The following FBXL7 variants were observed in gnomAD, a reference collection of about 807,000 sequenced individuals.
FBXL7 encodes F-box/LRR-repeat protein 7.
A neutral mutation model predicts 38.3 loss-of-function variants in FBXL7; 12 were observed. The ratio of observed to expected loss-of-function variants is 0.31; its 90% CI spans 0.20 to 0.51. The LOEUF (loss-of-function observed/expected upper bound fraction) is 0.51, where lower values mean the gene tolerates loss of function less well. Among genes scored for constraint, FBXL7 ranks in the 20% least tolerant of loss-of-function variants. FBXL7 has a pLI of 0.98. For missense variants in FBXL7, 567 were observed against 676.4 expected (o/e 0.84, Z 1.79); for synonymous variants, 297 against 300.9 (o/e 0.99, Z 0.13).
intron 2 of FBXL7, among the ~76,000 whole-genome samples, chr5:15,694,803 T>C (rs1454172471): frequency 6.6e-6 from 1 of 151,914 alleles, no homozygotes; most frequent in Non-Finnish European, 1.5e-5. Flanking sequence ...AACAAAAAGC[T>C]AAAGGGAACA....
intron 1 of FBXL7, among the ~76,000 whole-genome samples, chr5:15,565,919 C>T (rs1738559508): frequency 6.6e-6 from 1 of 152,132 alleles, no homozygotes; most frequent in Non-Finnish European, 1.5e-5. Context: ...AAATGTGAAT[C>T]TTATCCAAAA....
At chr5:15,693,100 G>C (rs1057398981) in intron 2 of FBXL7, among the ~76,000 whole-genome samples, 1 of 152,128 alleles carries the variant, frequency 6.6e-6, no homozygotes, top group Non-Finnish European at 1.5e-5. Context: ...TCAGAGGAAC[G>C]ATGTGGTCTA....
chr5:15,934,371 G>A (rs1337125602), intron 3 of FBXL7, among the ~76,000 whole-genome samples: 1 of 151,904 alleles, frequency 6.6e-6, no homozygotes, highest in East Asian at 1.9e-4. Context: ...TATAGACTAT[G>A]GATATTAGTT....
rs142983740 is a variant in FBXL7, at chr5:15,605,692, C to T, written c.38-10291C>T. Among the ~76,000 whole-genome samples the T allele has an allele frequency of 1.8e-3, 271 of 152,196 alleles. 1 individual carries two copies. The highest frequency in any genetic ancestry group is 6.3e-3 in the African/African-American group (263 of 41,536). On this transcript the variant is annotated intron_variant, in intron 1 of 3. Coordinates refer to ENST00000504595, the MANE Select transcript of FBXL7 (RefSeq NM_012304.5). ...GCACGCATTATGAATGTAATTAATG[C>T]AATTGAGTTATATCCTTACAACAAT...
chr5:15,930,013 A>T (rs1424645066), intron 3 of FBXL7, among the ~76,000 whole-genome samples: 1 of 152,114 alleles, frequency 6.6e-6, no homozygotes, highest in African/African-American at 2.4e-5. Context: ...TCTCTTTCGA[A>T]AGCCGACGTC....
rs7721986 is a variant in FBXL7 at position 15,888,754 on chromosome 5, A to C, written c.128-39136A>C. On this transcript the variant is annotated intron_variant, in intron 2 of 3. Coordinates refer to ENST00000504595, the MANE Select transcript of FBXL7 (RefSeq NM_012304.5). ...ATATTTCCCTCTACTTTACAAAAAA[A>C]TGGCAAAATTGGTCTTTTGCCTTCG... Among the ~76,000 whole-genome samples the C allele has an allele frequency of 3.5e-3, 539 of 152,314 alleles. 4 individuals carry two copies. Among genetic ancestry groups the C allele is most frequent in the African/African-American group, 0.013 (520 of 41,564 alleles).
chr5:15,603,982 C>G (rs555844844), intron 1 of FBXL7, among the ~76,000 whole-genome samples: 2 of 152,204 alleles, frequency 1.3e-5, no homozygotes, highest in Admixed American at 6.5e-5. Flanking sequence ...ACTAAAAATT[C>G]AAAAGTTAGC....
intron 2 of FBXL7, among the ~76,000 whole-genome samples, chr5:15,744,346 A>G (rs4482903): frequency 0.73 from 109,430 of 150,702 alleles, 39,999 homozygotes; most frequent in East Asian, 0.88. Flanking sequence ...TGGAGCAGGG[A>G]CAAAATGCCA....
At chr5:15,774,885 AC>A (rs1241270593) in intron 2 of FBXL7, among the ~76,000 whole-genome samples, 6 of 152,162 alleles carry the variant, frequency 3.9e-5, no homozygotes, top group African/African-American at 1.4e-4. Context: ...GACACCAGGA[AC>A]TGCTGTTCAG....
intron 1 of FBXL7, among the ~76,000 whole-genome samples, chr5:15,566,503 C>G (rs1213633370): frequency 6.6e-6 from 1 of 152,090 alleles, no homozygotes; most frequent in African/African-American, 2.4e-5. Flanking sequence ...GTGCAGTGCA[C>G]TGAGCTAGGC....
chr5:15,913,198 G>T (rs1579595323), intron 2 of FBXL7, among the ~76,000 whole-genome samples: 3 of 150,794 alleles, frequency 2.0e-5, no homozygotes, highest in Admixed American at 6.6e-5. Flanking sequence ...TATGTTAAAA[G>T]AAATTGTTGT....
chr5:15,799,750 A>C (rs1279417341), intron 2 of FBXL7, among the ~76,000 whole-genome samples: 3 of 152,128 alleles, frequency 2.0e-5, no homozygotes, highest in African/African-American at 7.2e-5. Flanking sequence ...ACATCATCAC[A>C]GAGCACTACA....
At chr5:15,536,169 G>T (rs377745148) in intron 1 of FBXL7, among the ~76,000 whole-genome samples, 1 of 152,248 alleles carries the variant, frequency 6.6e-6, no homozygotes, top group South Asian at 2.1e-4. Context: ...GTATGCAAAC[G>T]TCTGGATGTC....
At chr5:15,575,637 C>G (rs534606807) in intron 1 of FBXL7, among the ~76,000 whole-genome samples, 4 of 152,086 alleles carry the variant, frequency 2.6e-5, no homozygotes, top group Non-Finnish European at 5.9e-5. Flanking sequence ...TTTCTTTGTG[C>G]TTGGTTTTTG....
At chr5:15,841,903 C>T (rs533570761) in intron 2 of FBXL7, among the ~76,000 whole-genome samples, 121 of 152,356 alleles carry the variant, frequency 7.9e-4, no homozygotes, top group African/African-American at 2.8e-3. Context: ...TATGGAAACA[C>T]CTGGATGTCC....
intron 1 of FBXL7, among the ~76,000 whole-genome samples, chr5:15,563,466 G>T (rs949601988): frequency 7.9e-5 from 12 of 152,220 alleles, no homozygotes; most frequent in Admixed American, 7.2e-4. Context: ...TGCAACCACT[G>T]GGGCTGCTAA....
chr5:15,555,455 G>T (rs1330302309), intron 1 of FBXL7, among the ~76,000 whole-genome samples: 1 of 152,212 alleles, frequency 6.6e-6, no homozygotes, highest in Admixed American at 6.5e-5. Flanking sequence ...CTTTAACACA[G>T]TGGGGCTTTT....
At chr5:15,580,487 C>T (rs1044927589) in intron 1 of FBXL7, 2 of 299,428 alleles carry the variant, frequency 6.7e-6, no homozygotes, top group African/African-American at 2.3e-5. Flanking sequence ...GTCAATATGC[C>T]ATACACTGGT....
chr5:15,707,479 AG>A (rs1743727590), intron 2 of FBXL7, among the ~76,000 whole-genome samples: 1 of 152,134 alleles, frequency 6.6e-6, no homozygotes, highest in Admixed American at 6.5e-5. Context: ...TAGCCTGGCC[AG>A]GGCTTTTGTG....
Sources: gnomAD v4.1 joint callset for allele counts (sites outside exome capture counted in the v4.1 genomes callset) on GRCh38, gnomAD v4.1.1 for gene constraint, MANE v1.5 for transcripts, NCBI Gene and HGNC (gene_info 2026-07-23, HGNC 2026-07-21) for gene names.